The following FIG4 variants were observed in gnomAD, a reference collection of about 807,000 sequenced individuals.
FIG4 encodes polyphosphoinositide phosphatase.
In FIG4, 112 loss-of-function variants were observed where a neutral mutation model predicts 118.6. The ratio of observed to expected loss-of-function variants is 0.94; its 90% CI spans 0.81 to 1.11. The LOEUF is 1.11. FIG4 is among the 50% of genes least tolerant of loss of function. The pLI, the probability that FIG4 is intolerant of heterozygous loss-of-function variation, is 0.00. For synonymous variants in FIG4, 369 were observed against 381.2 expected, an observed-to-expected ratio of 0.97 and a Z score of 0.37; for missense variants, 969 against 1,111.7, an observed-to-expected ratio of 0.87 and a Z score of 1.83.
intron 15 of FIG4, among the ~76,000 whole-genome samples, chr6:109,771,373 T>C (rs1777454004): frequency 6.6e-6 from 1 of 151,580 alleles, no homozygotes; most frequent in African/African-American, 2.4e-5. Flanking sequence ...CCTCTCTCCT[T>C]AAAACTACAA....
At position 109,716,719 on chromosome 6, in the gene FIG4, A is replaced by G. The variant is rs114545793; in HGVS notation, c.289+151A>G. The G allele has an allele frequency of 5.1e-3, 4,756 of 933,240 alleles. 160 individuals are homozygous for G. In the African/African-American group the frequency reaches 0.072, roughly 14 times the overall value. The allele number at this position is 933,240 out of a possible 1,614,324, so 57.8% of individuals were successfully genotyped here. On this transcript the variant is annotated intron_variant, in intron 3 of 22. Transcript: ENST00000230124. ...TTTAAAACTTCATTATCCATCAATC[A>G]GATAGCAAACAGCGTTTCTGTAGCA...
chr6:109,724,261 T>C (rs1027384752), intron 3 of FIG4, among the ~76,000 whole-genome samples: 1 of 152,144 alleles, frequency 6.6e-6, no homozygotes, highest in Non-Finnish European at 1.5e-5. Context: ...ATTTGCTCAC[T>C]GCCACTCCTC....
intron 1 of FIG4, 79 bp downstream of exon 1, chr6:109,691,580 G>A: frequency 8.1e-7 from 1 of 1,227,776 alleles, no homozygotes; most frequent in Non-Finnish European, 1.2e-6. Flanking sequence ...GACAGAGGCT[G>A]TACTCTGCCT....
At chr6:109,770,986 C>A (rs1463100656) in intron 15 of FIG4, among the ~76,000 whole-genome samples, 1 of 152,164 alleles carries the variant, frequency 6.6e-6, no homozygotes, top group African/African-American at 2.4e-5. Context: ...CCTTTCTGCT[C>A]ACTGCTGAAA....
intron 10 of FIG4, among the ~76,000 whole-genome samples, chr6:109,755,211 G>T (rs1460477001): frequency 6.6e-6 from 1 of 152,178 alleles, no homozygotes; most frequent in Non-Finnish European, 1.5e-5. Context: ...AGTCATTCAG[G>T]AGCTGGTTGT....
chr6:109,691,621 C>T, intron 1 of FIG4, 120 bp downstream of exon 1: 2 of 939,038 alleles, frequency 2.1e-6, no homozygotes, highest in Non-Finnish European at 3.4e-6. Flanking sequence ...TCCCAAATCC[C>T]TGTCAAACAC....
At position 109,796,638 on chromosome 6, in the gene FIG4, C is replaced by T. The variant is rs7744512; in HGVS notation, c.2460-127C>T. The T allele has an allele frequency of 0.047, 35,297 of 752,978 alleles. 2,054 individuals carry two copies. Among genetic ancestry groups the T allele is most frequent in the African/African-American group, 0.22 (12,848 of 58,592 alleles). 46.6% of individuals were successfully genotyped at this position (752,978 alleles called of 1,614,324 possible). A position where few individuals can be genotyped will look rare whatever the true frequency, so the allele number is the denominator to read the frequency against. ...GCAAAGTCTTATGTTACATACAGTACTCTTAGGTGTTTTTCTGAAATAAGC... is the reference window on the plus strand; with the variant it reads ...GCAAAGTCTTATGTTACATACAGTATTCTTAGGTGTTTTTCTGAAATAAGC... On this transcript the variant is annotated intron_variant, in intron 21 of 22. Transcript: ENST00000230124.
At chr6:109,708,316 G>T (rs997764215) in intron 1 of FIG4, among the ~76,000 whole-genome samples, 2 of 152,160 alleles carry the variant, frequency 1.3e-5, no homozygotes, top group Non-Finnish European at 2.9e-5. Context: ...TTTTATGGCT[G>T]CATAGTATTC....
At chr6:109,785,210 C>T (rs571898845) in intron 17 of FIG4, among the ~76,000 whole-genome samples, 182 bp downstream of exon 17, 9 of 152,160 alleles carry the variant, frequency 5.9e-5, no homozygotes, top group African/African-American at 2.2e-4. Context: ...TTTTAAAGGG[C>T]AGGAATTATA....
intron 10 of FIG4, among the ~76,000 whole-genome samples, chr6:109,753,452 T>C (rs934725138): frequency 2.0e-5 from 3 of 151,968 alleles, no homozygotes; most frequent in Admixed American, 6.6e-5. Context: ...ATATGAACTT[T>C]AAAGTAGTTT....
intron 21 of FIG4, among the ~76,000 whole-genome samples, chr6:109,795,238 C>T (rs1778253200): frequency 6.6e-6 from 1 of 151,506 alleles, no homozygotes. Context: ...CATTCTCCTG[C>T]CTCAGCCTCC....
intron 22 of FIG4, among the ~76,000 whole-genome samples, chr6:109,799,521 CTA>C (rs1485104645): frequency 1.3e-5 from 2 of 152,144 alleles, no homozygotes; most frequent in East Asian, 1.9e-4. Flanking sequence ...TCTCCTCTTG[CTA>C]TGTTTTATTT....
Position 109,784,983 on chromosome 6 carries a change from T to C in FIG4, c.1903T>C (p.Trp635Arg), listed in dbSNP as rs200878068. 1.3e-6 allele frequency: 2 copies of C among 1,554,824 alleles called. No individual in the cohort carries two copies. The highest frequency in any genetic ancestry group is 8.8e-7 in the Non-Finnish European group (1 of 1,130,210). Residue 635 changes from tryptophan (W) to arginine (R), a missense_variant, in exon 17 of 23, where the codon TGG (tryptophan) becomes CGG (arginine). This residue lies in a region of FIG4 where 330 missense variants were observed against 348.1 expected (regional missense o/e 0.95). Coordinates refer to ENST00000230124, the MANE Select transcript of FIG4 (RefSeq NM_014845.6). ...TTTATTTTATAGTTATACTTACTGGTGGACACCAGAGGTGATAAAGCATTT... is the reference window on the plus strand; with the variant it reads ...TTTATTTTATAGTTATACTTACTGGCGGACACCAGAGGTGATAAAGCATTT... Reference protein sequence around the residue: ...LPTRRSYTYWWTPEVIKHLPL... With the variant: ...LPTRRSYTYWRTPEVIKHLPL...
At position 109,753,801 on chromosome 6, in the gene FIG4, CTT is replaced by C. The variant is rs1312689972; in HGVS notation, c.1138-6447_1138-6446del. On this transcript the variant is annotated intron_variant, in intron 10 of 22. Transcript: ENST00000230124. ...TGTACATTGATTTTGTATCCTGAGA[CTT>C]TGCTGAAGTTGCTTATCAGCTTAAG... 3.9e-3 allele frequency among the ~76,000 whole-genome samples: 591 copies of C among 152,292 alleles called. 2 individuals carry two copies. Among genetic ancestry groups the C allele is most frequent in the African/African-American group, 0.013 (543 of 41,550 alleles).
Position 109,786,185 on chromosome 6 carries a change from G to C in FIG4, c.1949-117G>C, listed in dbSNP as rs761259475. 5 of 856,722 alleles carry C rather than the reference G, an allele frequency of 5.8e-6. No homozygotes were observed. The Middle Eastern group carries it at 9.6e-4, about 165-fold the overall frequency. 53.1% of individuals were successfully genotyped at this position (856,722 alleles called of 1,614,324 possible). A position where few individuals can be genotyped will look rare whatever the true frequency, so the allele number is the denominator to read the frequency against. On this transcript the variant is annotated intron_variant, in intron 17 of 22. Coordinates refer to ENST00000230124, the MANE Select transcript of FIG4 (RefSeq NM_014845.6). ...GGAGGCAGGAGCTTACCCTCGGTCA[G>C]GGCTGTATCCCCCACAGAGCTTATC...
In FIG4 at chr6:109,741,499, T is replaced by G. The variant is rs1324186328; in HGVS notation, c.831T>G (p.Ser277Arg). 1.2e-6 allele frequency: 2 copies of G among 1,613,132 alleles called. No individual in the cohort carries two copies. Among genetic ancestry groups the G allele is most frequent in the Non-Finnish European group, 1.7e-6 (2 of 1,179,318 alleles). The change falls in exon 8 of 23, where the codon AGT (serine) becomes AGG (arginine). Residue 277 changes from serine (S) to arginine (R), a missense_variant. Physicochemically the swap from Ser to Arg is moderately radical, Grantham distance 110. Around this residue, in one of 3 missense-constraint regions of FIG4, gnomAD observed 393 missense variants for 409.4 expected, o/e 0.96. Transcript: ENST00000230124. ...TCACTCTAATAGCTAGAAGATCCAG[T>G]AAATTTGCTGGCACCCGTTTTCTTA... ...VYVTLIARRS[S>R]KFAGTRFLKR...
intron 22 of FIG4, among the ~76,000 whole-genome samples, chr6:109,823,744 A>T (rs1266416100): frequency 1.3e-5 from 2 of 152,090 alleles, no homozygotes; most frequent in Admixed American, 1.3e-4. Context: ...TGCATTTCTG[A>T]TTCCTCTGAT....
intron 1 of FIG4, among the ~76,000 whole-genome samples, chr6:109,702,737 A>G (rs1774942514): frequency 6.6e-6 from 1 of 151,794 alleles, no homozygotes; most frequent in Non-Finnish European, 1.5e-5. Flanking sequence ...GCTTCTTCAG[A>G]CTCTGCCAAT....
chr6:109,748,542 A>C (rs1776578705), intron 10 of FIG4, among the ~76,000 whole-genome samples: 1 of 152,164 alleles, frequency 6.6e-6, no homozygotes, highest in East Asian at 1.9e-4. Flanking sequence ...GAATTGGTGT[A>C]AGATGTGATA....
Sources: gnomAD v4.1 joint callset for allele counts (sites outside exome capture counted in the v4.1 genomes callset) on GRCh38, gnomAD v4.1.1 for gene constraint, gnomAD v4.1.1 regional missense constraint, MANE v1.5 for transcripts, NCBI Gene and HGNC (gene_info 2026-07-23, HGNC 2026-07-21) for gene names.